The following PPP1R12B variants were observed in gnomAD, a reference collection of about 807,000 sequenced individuals.
The protein encoded by PPP1R12B is myosin phosphatase target subunit 2.
PPP1R12B carries 76 observed loss-of-function variants against 126.1 expected under a neutral mutation model. The observed-to-expected ratio is 0.60, with a 90% CI of 0.50 to 0.73. The LOEUF (loss-of-function observed/expected upper bound fraction) is 0.73, where lower values mean the gene tolerates loss of function less well. PPP1R12B is among the 30% of genes least tolerant of loss of function. PPP1R12B has a pLI of 0.00. For synonymous variants in PPP1R12B, 356 were observed against 434.7 expected (o/e 0.82, Z 2.25); for missense variants, 1,052 against 1,205.1 (o/e 0.87, Z 1.88).
intron 13 of PPP1R12B, among the ~76,000 whole-genome samples, chr1:202,482,109 T>C (rs1191341846): frequency 6.6e-6 from 1 of 152,208 alleles, no homozygotes; most frequent in African/African-American, 2.4e-5. Flanking sequence ...TGTTCCATTC[T>C]GGATATACAC....
chr1:202,513,713 A>G (rs982045552), intron 18 of PPP1R12B, among the ~76,000 whole-genome samples: 9 of 152,216 alleles, frequency 5.9e-5, no homozygotes, highest in African/African-American at 1.7e-4. Context: ...ACTGTGGTTC[A>G]ATGTCTCAAT....
At chr1:202,386,554 C>T (rs1663173737) in intron 1 of PPP1R12B, among the ~76,000 whole-genome samples, 2 of 152,060 alleles carry the variant, frequency 1.3e-5, no homozygotes, top group Admixed American at 6.5e-5. Context: ...CTCCTGACCT[C>T]GTGATCCACC....
rs568319504 is a variant in PPP1R12B, at chr1:202,558,310, T to C, written c.2491-567T>C. ...TCAGAGTACCTACTTTTTTTTTTTTTCTAACCAGCATCCTAGGGACAAGGA... is the reference window on the plus strand; with the variant it reads ...TCAGAGTACCTACTTTTTTTTTTTTCCTAACCAGCATCCTAGGGACAAGGA... On this transcript the variant is annotated intron_variant, in intron 18 of 23. Coordinates refer to ENST00000608999, the MANE Select transcript of PPP1R12B (RefSeq NM_002481.4). Among the ~76,000 whole-genome samples the C allele has an allele frequency of 1.6e-4, 24 of 152,160 alleles. 1 individual carries two copies. In the Middle Eastern group the frequency reaches 0.01, roughly 65 times the overall value.
At chr1:202,532,988 G>A (rs1473033288) in intron 18 of PPP1R12B, among the ~76,000 whole-genome samples, 1 of 147,762 alleles carries the variant, frequency 6.8e-6, no homozygotes, top group Non-Finnish European at 1.5e-5. Context: ...TCCTGCCTCA[G>A]CCTCCCGAGT....
rs370339772 is a variant in PPP1R12B, at chr1:202,425,675, G to A, written c.651G>A (p.Gly217=). 1.1e-5 allele frequency: 18 copies of A among 1,613,806 alleles called. No individual in the cohort carries two copies. The African/African-American group carries it at 1.9e-4, about 17-fold the overall frequency. The stretch of plus-strand genomic sequence containing the variant: ...AGGATGTGAGGCAGGCTCGCTCAGG[G>A]GCTACAGCCCTTCATGTGGCTGCTG... ...KIEDVRQARS[G]ATALHVAAAK... is the part of the protein sequence containing the mutation. The change falls in exon 4 of 24, where the codon GGG becomes GGA. Residue 217 remains glycine, a synonymous_variant. Coordinates refer to ENST00000608999, the MANE Select transcript of PPP1R12B (RefSeq NM_002481.4).
chr1:202,464,326 A>G (rs1674703606), intron 13 of PPP1R12B, among the ~76,000 whole-genome samples: 1 of 152,186 alleles, frequency 6.6e-6, no homozygotes, highest in African/African-American at 2.4e-5. Flanking sequence ...TATTTCTCAA[A>G]TGAAAATAAG....
In PPP1R12B at chr1:202,532,962, C is replaced by T. The variant is rs1338349557; in HGVS notation, c.2491-25915C>T. ...TCGGCTCACCCCAACCTCTGCTTCCCAGGTTCAAATGATTCTCCTGCCTCA... is the reference window on the plus strand; with the variant it reads ...TCGGCTCACCCCAACCTCTGCTTCCTAGGTTCAAATGATTCTCCTGCCTCA... On this transcript the variant is annotated intron_variant, in intron 18 of 23. Coordinates refer to ENST00000608999, the MANE Select transcript of PPP1R12B (RefSeq NM_002481.4). Among the ~76,000 whole-genome samples, 2 of 149,846 alleles carry T rather than the reference C, an allele frequency of 1.3e-5. 1 individual carries two copies. The highest frequency in any genetic ancestry group is 3.0e-5 in the Non-Finnish European group (2 of 67,658).
chr1:202,554,959 C>A (rs987113297), intron 18 of PPP1R12B, among the ~76,000 whole-genome samples: 1 of 151,996 alleles, frequency 6.6e-6, no homozygotes, highest in African/African-American at 2.4e-5. Context: ...CACATGCTCT[C>A]ATTTGTGGAA....
At chr1:202,544,095 G>T (rs967820552) in intron 18 of PPP1R12B, among the ~76,000 whole-genome samples, 3 of 152,244 alleles carry the variant, frequency 2.0e-5, no homozygotes, top group East Asian at 1.9e-4. Flanking sequence ...ATATTGATGA[G>T]AATTTGAAAG....
chr1:202,434,687 C>T lies in PPP1R12B; in HGVS notation c.1173C>T (p.Ser391=), dbSNP rs749786683. 4.2e-5 allele frequency: 67 copies of T among 1,613,178 alleles called. No homozygotes were observed. The highest frequency in any genetic ancestry group is 5.2e-5 in the Non-Finnish European group (61 of 1,179,816). The change falls in exon 9 of 24, where the codon TCC becomes TCT. Residue 391 remains serine, a synonymous_variant. Coordinates refer to ENST00000608999, the MANE Select transcript of PPP1R12B (RefSeq NM_002481.4). ...AGCCAGAAGCCTTTGTCAATCATTC[C>T]AACTCTGAAAGCAAGAGTAGTATCA... ...DKKPEAFVNH[S]NSESKSSITE... is the part of the protein sequence containing the mutation.
At chr1:202,370,539 T>C (rs1660030818) in intron 1 of PPP1R12B, among the ~76,000 whole-genome samples, 1 of 124,774 alleles carries the variant, frequency 8.0e-6, no homozygotes, top group African/African-American at 2.5e-5. Flanking sequence ...TTATAGAGTA[T>C]ATAATTTTTT....
chr1:202,528,255 A>G (rs1216168265), intron 18 of PPP1R12B, among the ~76,000 whole-genome samples: 3 of 152,234 alleles, frequency 2.0e-5, no homozygotes, highest in Non-Finnish European at 4.4e-5. Context: ...TGACCAGCCT[A>G]GTTAGTAACA....
intron 20 of PPP1R12B, 67 bp downstream of exon 20, chr1:202,562,989 A>G (rs576287525): frequency 6.9e-6 from 10 of 1,449,080 alleles, no homozygotes; most frequent in Non-Finnish European, 7.3e-6. Flanking sequence ...CCTCCACCAC[A>G]CCCAGAAAAA....
At chr1:202,404,593 A>G (rs1425095520) in intron 1 of PPP1R12B, among the ~76,000 whole-genome samples, 1 of 152,038 alleles carries the variant, frequency 6.6e-6, no homozygotes, top group Non-Finnish European at 1.5e-5. Flanking sequence ...TCCACCTTCC[A>G]GCTTCAAGCG....
chr1:202,409,606 C>T (rs1026901576), intron 1 of PPP1R12B, among the ~76,000 whole-genome samples: 1 of 152,128 alleles, frequency 6.6e-6, no homozygotes, highest in Non-Finnish European at 1.5e-5. Flanking sequence ...AGGTGTGACC[C>T]ACAACGCCCA....
intron 1 of PPP1R12B, among the ~76,000 whole-genome samples, chr1:202,413,534 C>T (rs370075654): frequency 1.2e-4 from 19 of 152,162 alleles, no homozygotes. Context: ...AAACTGATCT[C>T]AGGATTCCTT....
chr1:202,498,475 G>A (rs570371278), intron 18 of PPP1R12B, among the ~76,000 whole-genome samples: 4 of 152,316 alleles, frequency 2.6e-5, no homozygotes, highest in East Asian at 3.9e-4. Context: ...AAGAAAGGCC[G>A]ATAATGAATC....
At chr1:202,392,398 T>A (rs1369438306) in intron 1 of PPP1R12B, among the ~76,000 whole-genome samples, 1 of 152,148 alleles carries the variant, frequency 6.6e-6, no homozygotes, top group African/African-American at 2.4e-5. Flanking sequence ...ATGATTCTAT[T>A]TATTTGAAAG....
chr1:202,547,438 A>G (rs1685764642), intron 18 of PPP1R12B, among the ~76,000 whole-genome samples: 2 of 152,224 alleles, frequency 1.3e-5, no homozygotes, highest in Non-Finnish European at 2.9e-5. Flanking sequence ...GTTACACAGC[A>G]TGGAAAGAGT....
Sources: gnomAD v4.1 joint callset for allele counts (sites outside exome capture counted in the v4.1 genomes callset) on GRCh38, gnomAD v4.1.1 for gene constraint, MANE v1.5 for transcripts, NCBI Gene and HGNC (gene_info 2026-07-23, HGNC 2026-07-21) for gene names.